Variants in EHMT1 observed in about 807,000 individuals in gnomAD.
EHMT1 encodes euchromatic histone lysine methyltransferase 1, also known as histone-lysine N-methyltransferase EHMT1.
A neutral mutation model predicts 147.2 loss-of-function variants in EHMT1; 15 were observed. That is an observed-to-expected ratio of 0.10 (90% confidence interval 0.07 to 0.16). The LOEUF (loss-of-function observed/expected upper bound fraction) is 0.16, where lower values mean the gene tolerates loss of function less well. EHMT1 is among the 10% of genes least tolerant of loss of function. The probability of loss-of-function intolerance (pLI) is 1.00; values close to 1 mark genes in which losing one functional copy is unlikely to be tolerated. For synonymous variants in EHMT1, 795 were observed against 709.6 expected, an observed-to-expected ratio of 1.12 and a Z score of -1.91; for missense variants, 1,587 against 1,772.4, an observed-to-expected ratio of 0.90 and a Z score of 1.88.
At position 137,746,513 on chromosome 9, in the gene EHMT1, C is replaced by G. The variant is rs1439266473; in HGVS notation, c.1170+2423C>G. The G allele has an allele frequency of 2.0e-5, 3 of 152,176 alleles. No homozygotes were observed. In the East Asian group the frequency reaches 5.8e-4, roughly 29 times the overall value. 9.4% of individuals were successfully genotyped at this position (152,176 alleles called of 1,614,324 possible). A position where few individuals can be genotyped will look rare whatever the true frequency, so the allele number is the denominator to read the frequency against. ...TCTGTGTTCTAATTATGATAAAAAC[C>G]TTTCTCACTGTTGATTTTGAATGAA... On this transcript the variant is annotated intron_variant, in intron 6 of 26. Coordinates refer to ENST00000460843, the MANE Select transcript of EHMT1 (RefSeq NM_024757.5).
intron 25 of EHMT1, among the ~76,000 whole-genome samples, chr9:137,824,522 G>T (rs1955676414): frequency 6.6e-6 from 1 of 151,952 alleles, no homozygotes; most frequent in African/African-American, 2.4e-5. Context: ...ACAATTGAGA[G>T]CCCGGGCGTC....
intron 24 of EHMT1, 144 bp downstream of exon 24, chr9:137,817,669 C>A: frequency 1.9e-6 from 2 of 1,037,088 alleles, no homozygotes; most frequent in Non-Finnish European, 2.9e-6. Flanking sequence ...GAGACCCTGG[C>A]CCCGAGAACC....
chr9:137,743,877 G>C, intron 5 of EHMT1, 25 bp from the exon 6 acceptor site: 3 of 1,598,608 alleles, frequency 1.9e-6, no homozygotes, highest in South Asian at 1.1e-5. Context: ...TCCTGCCTTG[G>C]GGTATACACC....
intron 13 of EHMT1, 70 bp from the exon 14 acceptor site, chr9:137,779,565 C>A: frequency 6.5e-7 from 1 of 1,550,140 alleles, no homozygotes; most frequent in Non-Finnish European, 8.9e-7. Context: ...GTCCGCCGGG[C>A]CTTCCAGCCT....
intron 1 of EHMT1, among the ~76,000 whole-genome samples, chr9:137,665,521 C>G (rs1341689876): frequency 6.6e-6 from 1 of 152,318 alleles, no homozygotes; most frequent in East Asian, 1.9e-4. Flanking sequence ...GTTTGCTTTC[C>G]TACCCACTGT....
intron 1 of EHMT1, among the ~76,000 whole-genome samples, chr9:137,678,181 C>G (rs774229951): frequency 2.6e-5 from 4 of 152,106 alleles, no homozygotes; most frequent in Non-Finnish European, 4.4e-5. Context: ...AAGGGATATA[C>G]TAAGATGTTT....
intron 1 of EHMT1, among the ~76,000 whole-genome samples, chr9:137,623,567 A>G (rs553941752): frequency 2.6e-5 from 4 of 151,866 alleles, no homozygotes; most frequent in African/African-American, 9.7e-5. Context: ...GGTGCTTGCT[A>G]CCACGCCTGT....
chr9:137,716,564 G>T lies in EHMT1; in HGVS notation c.86-62G>T, dbSNP rs1324673542. 2.7e-6 allele frequency: 4 copies of T among 1,487,958 alleles called. No individual in the cohort carries two copies. In the South Asian group the frequency reaches 4.0e-5, roughly 15 times the overall value. The allele number at this position is 1,487,958 out of a possible 1,614,324, so 92.2% of individuals were successfully genotyped here. A position where few individuals can be genotyped will look rare whatever the true frequency, so the allele number is the denominator to read the frequency against. On this transcript the variant is annotated intron_variant, in intron 2 of 26. Transcript: ENST00000460843. The stretch of plus-strand genomic sequence containing the variant: ...TGTCATGGTGGGGGAGGAAGTGGTG[G>T]TGGTGGTGGTGCCATGGAGAGCGTG...
chr9:137,726,191 G>GC (rs1946610711), intron 3 of EHMT1, among the ~76,000 whole-genome samples: 1 of 152,292 alleles, frequency 6.6e-6, no homozygotes, highest in Non-Finnish European at 1.5e-5. Context: ...CATTCACGCT[G>GC]CCGTGCAGCC....
chr9:137,733,119 A>T (rs1947257838), intron 4 of EHMT1, among the ~76,000 whole-genome samples: 1 of 152,110 alleles, frequency 6.6e-6, no homozygotes, highest in South Asian at 2.1e-4. Flanking sequence ...CCTGTTCTGC[A>T]CCCTCCACCC....
rs1491118052 is a variant in EHMT1 at position 137,812,854 on chromosome 9, CAG to C, written c.2868-149_2868-148del. 3.8e-6 allele frequency: 4 copies of C among 1,061,968 alleles called. No individual in the cohort carries two copies. In the African/African-American group the frequency reaches 6.3e-5, roughly 17 times the overall value. The allele number at this position is 1,061,968 out of a possible 1,614,324, so 65.8% of individuals were successfully genotyped here. ...CTGGGTGAGCTAAAGCCCGTCTTTG[CAG>C]AGTCATTGCTGAGCAGACTTGTTCA... On this transcript the variant is annotated intron_variant, in intron 19 of 26. Coordinates refer to ENST00000460843, the MANE Select transcript of EHMT1 (RefSeq NM_024757.5).
intron 1 of EHMT1, among the ~76,000 whole-genome samples, chr9:137,670,663 A>C (rs896581255): frequency 6.6e-6 from 1 of 152,030 alleles, no homozygotes; most frequent in Admixed American, 6.5e-5. Flanking sequence ...GGTCTGCAGC[A>C]TATCAGCCCA....
chr9:137,792,012 C>T, intron 16 of EHMT1: 3 of 458,326 alleles, frequency 6.5e-6, no homozygotes, highest in Non-Finnish European at 1.3e-5. Flanking sequence ...GGATTATGAG[C>T]ATGAGCCACC....
chr9:137,721,523 G>A (rs1284467722), intron 3 of EHMT1, among the ~76,000 whole-genome samples: 6 of 74,588 alleles, frequency 8.0e-5, no homozygotes, highest in Admixed American at 1.6e-4. Context: ...CCTCTCCCAC[G>A]CCTCTCACCC....
chr9:137,713,103 T>C (rs768833506), intron 2 of EHMT1, among the ~76,000 whole-genome samples: 9 of 151,988 alleles, frequency 5.9e-5, no homozygotes, highest in Non-Finnish European at 1.2e-4. Context: ...GAGGGTTTAT[T>C]GTAAGATTTT....
At chr9:137,823,439 T>C in intron 25 of EHMT1, 1 of 344,510 alleles carries the variant, frequency 2.9e-6, no homozygotes, top group South Asian at 1.9e-5. Flanking sequence ...TGAAACGGAG[T>C]CTGGCTCTGT....
At chr9:137,642,426 C>T (rs573724721) in intron 1 of EHMT1, among the ~76,000 whole-genome samples, 1 of 152,302 alleles carries the variant, frequency 6.6e-6, no homozygotes, top group Admixed American at 6.5e-5. Context: ...CCACCTCAGC[C>T]TCCTGAGTAG....
intron 9 of EHMT1, among the ~76,000 whole-genome samples, chr9:137,760,354 T>C (rs929498361): frequency 6.6e-6 from 1 of 152,228 alleles, no homozygotes; most frequent in African/African-American, 2.4e-5. Flanking sequence ...GTAGGACAGT[T>C]ATCTCACAGC....
intron 1 of EHMT1, among the ~76,000 whole-genome samples, chr9:137,662,942 C>T (rs975191943): frequency 2.0e-4 from 30 of 151,764 alleles, no homozygotes; most frequent in African/African-American, 6.3e-4. Flanking sequence ...TACAGGTGCA[C>T]GCCACCATGC....
Sources: gnomAD v4.1 joint callset for allele counts (sites outside exome capture counted in the v4.1 genomes callset) on GRCh38, gnomAD v4.1.1 for gene constraint, MANE v1.5 for transcripts, NCBI Gene and HGNC (gene_info 2026-07-23, HGNC 2026-07-21) for gene names.